ANKS1B: variants seen among roughly 807,000 people sequenced by gnomAD.
ANKS1B encodes ankyrin repeat and sterile alpha motif domain-containing protein 1B.
In ANKS1B, 36 loss-of-function variants were observed where a neutral mutation model predicts 148.3. That is an observed-to-expected ratio of 0.24 (90% confidence interval 0.19 to 0.32). ANKS1B has a LOEUF of 0.32. ANKS1B is among the 10% of genes least tolerant of loss of function. The pLI is 1.00. For missense variants in ANKS1B, 1,157 were observed against 1,542.6 expected (o/e 0.75, Z 4.19); for synonymous variants, 542 against 560.8 (o/e 0.97, Z 0.47).
intron 12 of ANKS1B, among the ~76,000 whole-genome samples, chr12:99,383,872 A>G (rs1593586351): frequency 6.7e-6 from 1 of 149,084 alleles, no homozygotes. Context: ...AAAAAAGAAA[A>G]GAAAAGAAGT....
intron 14 of ANKS1B, among the ~76,000 whole-genome samples, chr12:99,212,050 C>A (rs542453429): frequency 6.6e-6 from 1 of 152,264 alleles, no homozygotes; most frequent in South Asian, 2.1e-4. Flanking sequence ...AACAAGCAAA[C>A]AGAAAAGGAA....
At chr12:99,467,358 C>A (rs1465527855) in intron 10 of ANKS1B, among the ~76,000 whole-genome samples, 1 of 152,194 alleles carries the variant, frequency 6.6e-6, no homozygotes, top group Non-Finnish European at 1.5e-5. Flanking sequence ...AAACTGGAAG[C>A]ATTCCCTTGA....
At position 99,725,223 on chromosome 12, in the gene ANKS1B, A is replaced by C. The variant is rs557766616; in HGVS notation, c.1128+47699T>G. 6.6e-5 allele frequency among the ~76,000 whole-genome samples: 10 copies of C among 152,336 alleles called. No homozygotes were observed. The East Asian group carries it at 1.4e-3, about 21-fold the overall frequency. The stretch of plus-strand genomic sequence containing the variant: ...AGACACAGACTGGCAAATTGGATAA[A>C]GAGTCAAGACCCATCAGTGTGCTGT... On this transcript the variant is annotated intron_variant, in intron 8 of 26. Transcript: ENST00000683438.
chr12:99,301,372 G>GA (rs1273173708), intron 12 of ANKS1B, among the ~76,000 whole-genome samples: 1 of 151,950 alleles, frequency 6.6e-6, no homozygotes, highest in South Asian at 2.1e-4. Flanking sequence ...GAGGAAAAAA[G>GA]AAAAAAACTT....
At chr12:99,409,316 C>G (rs1156321802) in intron 11 of ANKS1B, among the ~76,000 whole-genome samples, 1 of 151,982 alleles carries the variant, frequency 6.6e-6, no homozygotes, top group Non-Finnish European at 1.5e-5. Context: ...ATTGAACTCA[C>G]AGTGGTAGAG....
intron 14 of ANKS1B, among the ~76,000 whole-genome samples, chr12:99,217,676 T>A (rs546228097): frequency 6.6e-6 from 1 of 152,108 alleles, no homozygotes; most frequent in Admixed American, 6.5e-5. Flanking sequence ...CCAGAAAATA[T>A]AACTGATCCC....
chr12:99,525,403 A>C (rs1244318479), intron 9 of ANKS1B, among the ~76,000 whole-genome samples: 1 of 152,246 alleles, frequency 6.6e-6, no homozygotes, highest in Non-Finnish European at 1.5e-5. Flanking sequence ...TAAATGTGTG[A>C]CAATAGACAG....
chr12:99,049,622 GA>G (rs777885168), intron 17 of ANKS1B, among the ~76,000 whole-genome samples: 3 of 151,594 alleles, frequency 2.0e-5, no homozygotes, highest in Non-Finnish European at 2.9e-5. Context: ...AACATTGAAA[GA>G]AAAAAAACCT....
Position 99,590,540 on chromosome 12 carries a change from T to G in ANKS1B, c.1272+64527A>C, listed in dbSNP as rs2097692834. 2.0e-5 allele frequency among the ~76,000 whole-genome samples: 3 copies of G among 152,106 alleles called. No individual in the cohort carries two copies. The South Asian group carries it at 6.2e-4, about 32-fold the overall frequency. On this transcript the variant is annotated intron_variant, in intron 9 of 26. Transcript: ENST00000683438. ...TACAGGATCATAAATATTTCATGAA[T>G]GTAGAGGAGGCCCAGAGACTAAATG...
chr12:99,362,613 A>G (rs915202677), intron 12 of ANKS1B, among the ~76,000 whole-genome samples: 2 of 152,008 alleles, frequency 1.3e-5, no homozygotes, highest in African/African-American at 4.8e-5. Context: ...AAGAACTTGA[A>G]TTTTTTATTA....
At chr12:99,830,868 T>C (rs1367330377) in intron 1 of ANKS1B, among the ~76,000 whole-genome samples, 1 of 152,192 alleles carries the variant, frequency 6.6e-6, no homozygotes, top group African/African-American at 2.4e-5. Flanking sequence ...TTGCACCTTA[T>C]GACTGTTGCA....
intron 11 of ANKS1B, among the ~76,000 whole-genome samples, chr12:99,412,636 C>T (rs938491365): frequency 6.6e-6 from 1 of 152,166 alleles, no homozygotes; most frequent in African/African-American, 2.4e-5. Context: ...GGTAGTAACT[C>T]TCCCTGTTTT....
chr12:99,844,471 T>C (rs750510332), intron 1 of ANKS1B, among the ~76,000 whole-genome samples: 3 of 152,192 alleles, frequency 2.0e-5, no homozygotes, highest in Non-Finnish European at 2.9e-5. Flanking sequence ...TAGCCAGTTC[T>C]CCCAGCACCA....
chr12:99,733,420 C>T (rs547893389), intron 8 of ANKS1B, among the ~76,000 whole-genome samples: 2 of 152,224 alleles, frequency 1.3e-5, no homozygotes, highest in South Asian at 2.1e-4. Flanking sequence ...TGCCATGATA[C>T]GACAATAAAT....
intron 10 of ANKS1B, among the ~76,000 whole-genome samples, chr12:99,466,742 G>T (rs2096124143): frequency 6.6e-6 from 1 of 152,054 alleles, no homozygotes; most frequent in Non-Finnish European, 1.5e-5. Context: ...AAACCAGGAA[G>T]AAGTTGAATC....
In ANKS1B at chr12:98,751,635, C is replaced by G. The variant is rs2098092690; in HGVS notation, c.3580-113G>C. ...TAGGGAGGAACTTGAACTACTTCAC[C>G]AGAGGCAGCAGCGATTCGGTGGAAA... On this transcript the variant is annotated intron_variant, in intron 25 of 26. Transcript: ENST00000683438. The surrounding 1 kb of genome is among the most constrained non-coding windows in gnomAD (Gnocchi z 4.3). The G allele has an allele frequency of 1.0e-6, 1 of 964,358 alleles. No homozygotes were observed. The highest frequency in any genetic ancestry group is 2.1e-5 in the Admixed American group (1 of 47,124). The allele number at this position is 964,358 out of a possible 1,614,324, so 59.7% of individuals were successfully genotyped here.
intron 15 of ANKS1B, among the ~76,000 whole-genome samples, chr12:99,153,349 AGTC>A (rs2075426797): frequency 6.6e-6 from 1 of 152,138 alleles, no homozygotes; most frequent in Non-Finnish European, 1.5e-5. Flanking sequence ...TATTTCCACA[AGTC>A]ATTTGTGTGT....
intron 10 of ANKS1B, among the ~76,000 whole-genome samples, chr12:99,484,438 C>G (rs763796250): frequency 6.6e-6 from 1 of 151,738 alleles, no homozygotes; most frequent in Non-Finnish European, 1.5e-5. Flanking sequence ...AAGAATGTTA[C>G]GTGCTGATGA....
chr12:98,792,008 C>T (rs1442334233), intron 22 of ANKS1B, among the ~76,000 whole-genome samples: 1 of 152,160 alleles, frequency 6.6e-6, no homozygotes, highest in African/African-American at 2.4e-5. Context: ...AGTCTTAATA[C>T]TTCAACTAGG....
Sources: allele counts gnomAD v4.1 joint callset (sites outside exome capture counted in the v4.1 genomes callset), GRCh38; gene constraint gnomAD v4.1.1; non-coding constraint Gnocchi (gnomAD v3.1); transcripts MANE v1.5; gene names NCBI Gene and HGNC (gene_info 2026-07-23, HGNC 2026-07-21).